Variants in UGT1A10 observed in about 807,000 individuals in gnomAD.
The protein encoded by UGT1A10 is UDP-glucuronosyltransferase 1A10.
A neutral mutation model predicts 45.8 loss-of-function variants in UGT1A10; 49 were observed. The ratio of observed to expected loss-of-function variants is 1.07; its 90% CI spans 0.85 to 1.36. UGT1A10 has a LOEUF of 1.36. UGT1A10 is among the 40% of genes most tolerant of loss of function. The pLI is 0.00. For synonymous variants in UGT1A10, 284 were observed against 249.7 expected, an observed-to-expected ratio of 1.14 and a Z score of -1.29; for missense variants, 745 against 668.6, an observed-to-expected ratio of 1.11 and a Z score of -1.26.
chr2:233,748,022 G>A, intron 1 of UGT1A10: 2 of 1,613,526 alleles, frequency 1.2e-6, no homozygotes, highest in South Asian at 2.2e-5. Flanking sequence ...GGCCGATCAT[G>A]CCCAACATGG....
chr2:233,760,884 T>A, intron 1 of UGT1A10: 1 of 1,614,196 alleles, frequency 6.2e-7, no homozygotes, highest in African/African-American at 1.3e-5. Context: ...CTCTCTCCTC[T>A]CATTCAGATC....
intron 1 of UGT1A10, chr2:233,718,618 T>G: frequency 1.1e-6 from 1 of 872,510 alleles, no homozygotes; most frequent in Non-Finnish European, 1.4e-6. Context: ...AAGATAGGCG[T>G]GATTGGTCTT....
In UGT1A10 at chr2:233,682,539, T is replaced by C. The variant is rs138921290; in HGVS notation, c.855+45162T>C. On this transcript the variant is annotated intron_variant, in intron 1 of 4. Transcript: ENST00000344644. ...CTTCTCTTAGGGTTCTCAGACGCCATGACTTTCAAGGAGAGAGTATGGAAC... is the reference window on the plus strand; with the variant it reads ...CTTCTCTTAGGGTTCTCAGACGCCACGACTTTCAAGGAGAGAGTATGGAAC... 520 of 1,613,826 alleles carry C rather than the reference T, an allele frequency of 3.2e-4. 1 individual carries two copies. Among genetic ancestry groups the C allele is most frequent in the Non-Finnish European group, 4.0e-4 (467 of 1,179,850 alleles).
At chr2:233,680,206 C>A (rs777098137) in intron 1 of UGT1A10, among the ~76,000 whole-genome samples, 3 of 152,090 alleles carry the variant, frequency 2.0e-5, no homozygotes, top group Non-Finnish European at 4.4e-5. Flanking sequence ...ATTAGTTGCA[C>A]TTTATAGTCC....
rs981076107 is a variant in UGT1A10 at position 233,666,689 on chromosome 2, T to C, written c.855+29312T>C. On this transcript the variant is annotated intron_variant, in intron 1 of 4. Transcript: ENST00000344644. The stretch of plus-strand genomic sequence containing the variant: ...TGTACTTTAAGTTTTAGAGTACATG[T>C]GCACAATGTGCAGGTTAGTTACATA... 2.0e-5 allele frequency among the ~76,000 whole-genome samples: 3 copies of C among 152,166 alleles called. No individual in the cohort carries two copies. In the East Asian group the frequency reaches 5.8e-4, roughly 29 times the overall value.
intron 1 of UGT1A10, chr2:233,755,022 A>C: frequency 7.7e-7 from 1 of 1,305,146 alleles, no homozygotes; most frequent in South Asian, 1.2e-5. Flanking sequence ...GGGGTCCTTG[A>C]AGGGCCTGCC....
intron 1 of UGT1A10, among the ~76,000 whole-genome samples, chr2:233,716,781 G>A (rs2076525063): frequency 6.6e-6 from 1 of 152,150 alleles, no homozygotes; most frequent in Admixed American, 6.5e-5. Context: ...TCAGGCTTTC[G>A]GGATGCCTTT....
At chr2:233,709,435 T>C (rs1036317154) in intron 1 of UGT1A10, among the ~76,000 whole-genome samples, 9 of 152,210 alleles carry the variant, frequency 5.9e-5, no homozygotes, top group Non-Finnish European at 8.8e-5. Context: ...CCAGAAAGGA[T>C]GACCTGCCGA....
chr2:233,718,714 A>G (rs1440989582), intron 1 of UGT1A10: 4 of 1,607,872 alleles, frequency 2.5e-6, no homozygotes, highest in Non-Finnish European at 3.4e-6. Flanking sequence ...TTCCAATTAC[A>G]TGCTGATTTG....
chr2:233,681,945 G>T, intron 1 of UGT1A10: 1 of 1,613,336 alleles, frequency 6.2e-7, no homozygotes, highest in Non-Finnish European at 8.5e-7. Flanking sequence ...CTGATGGCTC[G>T]TGCAGGGTGG....
intron 1 of UGT1A10, among the ~76,000 whole-genome samples, chr2:233,695,287 A>T (rs775200577): frequency 6.6e-6 from 1 of 151,766 alleles, no homozygotes; most frequent in Non-Finnish European, 1.5e-5. Context: ...CACCATTCCC[A>T]GCTAATTTTT....
intron 1 of UGT1A10, chr2:233,713,360 C>G: frequency 6.2e-7 from 1 of 1,614,162 alleles, no homozygotes; most frequent in Non-Finnish European, 8.5e-7. Flanking sequence ...TGTCTTTGAT[C>G]ATACATAGGT....
In UGT1A10 at chr2:233,710,287, G is replaced by A. The variant is rs1349659721; in HGVS notation, c.856-56747G>A. On this transcript the variant is annotated intron_variant, in intron 1 of 4. Coordinates refer to ENST00000344644, the MANE Select transcript of UGT1A10 (RefSeq NM_019075.4). ...TTTTCTTGGGTAAATACTTAAAAGT[G>A]GGATTGTTGGGTTGCATGGTAGGTG... is the stretch of plus-strand genomic sequence containing the variant. Among the ~76,000 whole-genome samples, 3 of 152,190 alleles carry A rather than the reference G, an allele frequency of 2.0e-5. No homozygotes were observed. In the East Asian group the frequency reaches 5.8e-4, roughly 29 times the overall value.
intron 1 of UGT1A10, among the ~76,000 whole-genome samples, chr2:233,661,637 T>TTCTC (rs1299275192): frequency 1.4e-5 from 2 of 138,192 alleles, no homozygotes; most frequent in Non-Finnish European, 3.2e-5. Context: ...CTTTCTTTCT[T>TTCTC]TCTTTCTTTC....
rs150592409 is a variant in UGT1A10, at chr2:233,726,667, G to A, written c.856-40367G>A. On this transcript the variant is annotated intron_variant, in intron 1 of 4. Coordinates refer to ENST00000344644, the MANE Select transcript of UGT1A10 (RefSeq NM_019075.4). ...TAAAACTCTTAATTTAATCATATCT[G>A]TGAAGTCTCTTCCACCTGTAACGGA... Among the ~76,000 whole-genome samples, 7 of 152,246 alleles carry A rather than the reference G, an allele frequency of 4.6e-5. No individual in the cohort carries two copies. The East Asian group carries it at 1.3e-3, about 29-fold the overall frequency.
At chr2:233,722,580 G>A (rs764999406) in intron 1 of UGT1A10, among the ~76,000 whole-genome samples, 2 of 152,194 alleles carry the variant, frequency 1.3e-5, no homozygotes, top group African/African-American at 2.4e-5. Context: ...TTGCAACTTC[G>A]TTAGAGGACT....
In UGT1A10 at chr2:233,654,671, A is replaced by T. The variant is rs2073815958; in HGVS notation, c.855+17294A>T. 3.3e-5 allele frequency among the ~76,000 whole-genome samples: 5 copies of T among 152,264 alleles called. No individual in the cohort carries two copies. The South Asian group carries it at 1.0e-3, about 31-fold the overall frequency. On this transcript the variant is annotated intron_variant, in intron 1 of 4. Coordinates refer to ENST00000344644, the MANE Select transcript of UGT1A10 (RefSeq NM_019075.4). The stretch of plus-strand genomic sequence containing the variant: ...ACATAGCAACACCAATTGCTACAGG[A>T]ATTTCTAAGCATTTCCTGCAGGGTC...
chr2:233,637,502 A>C, intron 1 of UGT1A10, 125 bp downstream of exon 1: 1 of 1,487,292 alleles, frequency 6.7e-7, no homozygotes, highest in Non-Finnish European at 8.9e-7. Context: ...CAGTTTAACA[A>C]ATTATTTTGT....
At chr2:233,699,180 C>G (rs1205955703) in intron 1 of UGT1A10, among the ~76,000 whole-genome samples, 6 of 152,020 alleles carry the variant, frequency 3.9e-5, no homozygotes, top group Non-Finnish European at 7.4e-5. Context: ...CTGATCCTCA[C>G]TTCTTCTTCA....
Sources: allele counts gnomAD v4.1 joint callset (sites outside exome capture counted in the v4.1 genomes callset), GRCh38; gene constraint gnomAD v4.1.1; transcripts MANE v1.5; gene names NCBI Gene and HGNC (gene_info 2026-07-23, HGNC 2026-07-21).